USP31: variants seen among roughly 807,000 people sequenced by gnomAD.
USP31 encodes the protein ubiquitin carboxyl-terminal hydrolase 31.
In USP31, 44 loss-of-function variants were observed where a neutral mutation model predicts 119.4. That is an observed-to-expected ratio of 0.37 (90% confidence interval 0.29 to 0.47). USP31 has a LOEUF of 0.47. Among genes scored for constraint, USP31 ranks in the 20% least tolerant of loss-of-function variants. USP31 has a pLI of 0.99. For synonymous variants in USP31, 749 were observed against 705.6 expected (o/e 1.06, Z -0.97); for missense variants, 1,643 against 1,730.2 (o/e 0.95, Z 0.89).
intron 1 of USP31, among the ~76,000 whole-genome samples, chr16:23,132,482 C>A (rs536615159): frequency 2.0e-5 from 3 of 152,068 alleles, no homozygotes; most frequent in Admixed American, 2.0e-4. Flanking sequence ...CAGGAAAAAT[C>A]CATCAAGCCA....
chr16:23,082,295 G>T, intron 12 of USP31, 143 bp downstream of exon 12: 1 of 1,120,410 alleles, frequency 8.9e-7, no homozygotes, highest in Non-Finnish European at 1.2e-6. Flanking sequence ...TAAACACAGG[G>T]GCAAAAGTGT....
chr16:23,141,320 T>C (rs1903345682), intron 1 of USP31, among the ~76,000 whole-genome samples: 1 of 152,150 alleles, frequency 6.6e-6, no homozygotes, highest in Non-Finnish European at 1.5e-5. Flanking sequence ...TCTTCCTGCC[T>C]GGTCACACCC....
intron 13 of USP31, among the ~76,000 whole-genome samples, chr16:23,077,571 C>T (rs988387444): frequency 6.6e-6 from 1 of 152,092 alleles, no homozygotes; most frequent in Non-Finnish European, 1.5e-5. Flanking sequence ...TGGCCAGACC[C>T]CACCCCTCCT....
intron 6 of USP31, among the ~76,000 whole-genome samples, chr16:23,095,530 C>A (rs1901567504): frequency 6.6e-6 from 1 of 152,040 alleles, no homozygotes; most frequent in Non-Finnish European, 1.5e-5. Flanking sequence ...AAGAACAACC[C>A]CAAGACACAT....
intron 14 of USP31, chr16:23,072,612 G>C (rs1426786891): frequency 6.5e-6 from 3 of 463,046 alleles, no homozygotes; most frequent in African/African-American, 2.0e-5. Flanking sequence ...GGATGCGGCA[G>C]TATACTCTTT....
intron 1 of USP31, among the ~76,000 whole-genome samples, chr16:23,138,563 T>C (rs997565959): frequency 6.6e-6 from 1 of 152,174 alleles, no homozygotes; most frequent in African/African-American, 2.4e-5. Flanking sequence ...AGAATGCCAT[T>C]CTGCAACATG....
In USP31 at chr16:23,068,454, C is replaced by A. The variant is rs1462553317; in HGVS notation, c.3651G>T (p.Arg1217Ser). ...GCCCCTTGTCCTCAGACTTGCTGTC[C>A]CTCTTCAAACCAGACTTGATGCTTG... ...PSTSIKSGLK[R>S]DSKSEDKGLS... is the part of the protein sequence containing the mutation. Residue 1217 changes from arginine to serine, a missense_variant, in exon 16 of 16, where the codon AGG (arginine) becomes AGT (serine). By Grantham distance (110) the Arg-to-Ser change is moderately radical. This residue lies in a region of USP31 where 699 missense variants were observed against 650.9 expected (regional missense o/e 1.07). Transcript: ENST00000219689. The A allele has an allele frequency of 2.5e-6, 4 of 1,613,346 alleles. No individual in the cohort carries two copies. The highest frequency in any genetic ancestry group is 3.4e-6 in the Non-Finnish European group (4 of 1,179,766).
At position 23,084,861 on chromosome 16, in the gene USP31, C is replaced by T. The variant is rs761170435; in HGVS notation, c.1829G>A (p.Arg610Gln). The change falls in exon 11 of 16, where the codon CGG becomes CAG. Residue 610 changes from arginine to glutamine, a missense_variant and splice_region_variant. By Grantham distance (43) the Arg-to-Gln change is conservative. This residue lies in a region of USP31 where 279 missense variants were observed against 372.2 expected (regional missense o/e 0.75). Coordinates refer to ENST00000219689, the MANE Select transcript of USP31 (RefSeq NM_020718.4). ...AAGAAATGCTGCCCAGTCTCTTACCCGCTCCTCTTTGGTGTACAGTTGGAA... is the reference window on the plus strand; with the variant it reads ...AAGAAATGCTGCCCAGTCTCTTACCTGCTCCTCTTTGGTGTACAGTTGGAA... ...QCFQLYTKEERLAPDDAWRCP... is the reference protein window; with the variant it reads ...QCFQLYTKEEQLAPDDAWRCP... 6.8e-6 allele frequency: 11 copies of T among 1,613,720 alleles called. No homozygotes were observed. The highest frequency in any genetic ancestry group is 1.7e-5 in the Admixed American group (1 of 59,984).
At chr16:23,091,791 A>C (rs1901374498) in intron 6 of USP31, among the ~76,000 whole-genome samples, 1 of 152,254 alleles carries the variant, frequency 6.6e-6, no homozygotes, top group Admixed American at 6.5e-5. Context: ...AATCTTTGTC[A>C]AGCCACTAGA....
At chr16:23,135,117 T>C (rs1243691930) in intron 1 of USP31, among the ~76,000 whole-genome samples, 2 of 145,136 alleles carry the variant, frequency 1.4e-5, no homozygotes, top group Admixed American at 1.4e-4. Context: ...TTTGACAAAA[T>C]TCAACACTCT....
chr16:23,087,977 T>A, intron 7 of USP31, 142 bp from the exon 8 acceptor site: 1 of 680,136 alleles, frequency 1.5e-6, no homozygotes, highest in Non-Finnish European at 2.4e-6. Flanking sequence ...ACAGGAAATT[T>A]AATGGTAACT....
chr16:23,128,920 A>T (rs1323774200), intron 1 of USP31, among the ~76,000 whole-genome samples: 1 of 152,234 alleles, frequency 6.6e-6, no homozygotes, highest in Non-Finnish European at 1.5e-5. Context: ...ACAAAAAATC[A>T]AGACTATGAA....
chr16:23,095,175 A>G (rs1901547100), intron 6 of USP31, among the ~76,000 whole-genome samples: 1 of 152,238 alleles, frequency 6.6e-6, no homozygotes, highest in African/African-American at 2.4e-5. Context: ...GCTGCAGACC[A>G]TGGCATGAGG....
chr16:23,077,945 A>T (rs537735704), intron 13 of USP31, among the ~76,000 whole-genome samples: 51 of 152,340 alleles, frequency 3.3e-4, no homozygotes, highest in South Asian at 2.9e-3. Context: ...AACCAGAAAC[A>T]ATATAGATGT....
chr16:23,079,012 T>C (rs1010162585), intron 13 of USP31: 4 of 151,504 alleles, frequency 2.6e-5, no homozygotes, highest in Non-Finnish European at 4.4e-5. Flanking sequence ...GTACCAAGAG[T>C]AGTCAAATTC....
intron 6 of USP31, among the ~76,000 whole-genome samples, chr16:23,094,257 C>CT (rs1306970004): frequency 6.6e-6 from 1 of 152,212 alleles, no homozygotes; most frequent in African/African-American, 2.4e-5. Context: ...GCGCAGCAGT[C>CT]TGAGAACAAA....
Position 23,148,952 on chromosome 16 carries a change from A to G in USP31, c.319T>C (p.Cys107Arg), listed in dbSNP as rs746231610. The G allele has an allele frequency of 3.9e-6, 4 of 1,037,844 alleles. No individual in the cohort carries two copies. The highest frequency in any genetic ancestry group is 7.9e-5 in the East Asian group (1 of 12,580). 64.3% of individuals were successfully genotyped at this position (1,037,844 alleles called of 1,614,324 possible). A position where few individuals can be genotyped will look rare whatever the true frequency, so the allele number is the denominator to read the frequency against. The change falls in exon 1 of 16, where the codon TGC becomes CGC. Residue 107 changes from cysteine (C) to arginine (R), a missense_variant. Cys to Arg is a radical substitution (Grantham distance 180). Coordinates refer to ENST00000219689, the MANE Select transcript of USP31 (RefSeq NM_020718.4). Reference protein sequence around the residue: ...GPAAAPTPPPCPPPPASPAPP... With the variant: ...GPAAAPTPPPRPPPPASPAPP... ...GCGGGAGAGGCGGGCGGCGGCGGGC[A>G]CGGCGGCGGCGTGGGCGCGGCGGCC...
At chr16:23,100,769 GAAT>G (rs1419393986) in intron 6 of USP31, among the ~76,000 whole-genome samples, 1 of 152,066 alleles carries the variant, frequency 6.6e-6, no homozygotes, top group Non-Finnish European at 1.5e-5. Context: ...AGAGAAAGTC[GAAT>G]AATGAGTGCT....
intron 1 of USP31, among the ~76,000 whole-genome samples, chr16:23,113,687 C>T (rs1902395836): frequency 1.3e-5 from 2 of 152,192 alleles, no homozygotes; most frequent in Admixed American, 6.5e-5. Context: ...CATTCTTCAT[C>T]ACCAAGGAGC....
Sources: gnomAD v4.1 joint callset for allele counts (sites outside exome capture counted in the v4.1 genomes callset) on GRCh38, gnomAD v4.1.1 for gene constraint, gnomAD v4.1.1 regional missense constraint, MANE v1.5 for transcripts, NCBI Gene and HGNC (gene_info 2026-07-23, HGNC 2026-07-21) for gene names.